Variants in CRTAM observed in about 807,000 individuals in gnomAD.
CRTAM encodes the protein cytotoxic and regulatory T cell molecule, also known as cytotoxic and regulatory T-cell molecule.
Under a neutral mutation model 50.0 loss-of-function variants are expected in CRTAM, and 44 were observed. The observed-to-expected ratio is 0.88, with a 90% CI of 0.69 to 1.13. The LOEUF is 1.13. CRTAM is among the 50% of genes most tolerant of loss of function. CRTAM has a pLI of 0.00. For synonymous variants in CRTAM, 159 were observed against 169.3 expected (o/e 0.94, Z 0.47); for missense variants, 448 against 457.5 (o/e 0.98, Z 0.19).
rs1353883097 is a variant in CRTAM at position 122,850,233 on chromosome 11, G to A, written c.193+19G>A. ...TATCCTGGTAAGTGAAAGAAAGAAA[G>A]AAAAAATGCCACCAGACCTTAACCT... On this transcript the variant is annotated intron_variant, in intron 2 of 9. Transcript: ENST00000227348. The A allele has an allele frequency of 3.2e-6, 5 of 1,575,246 alleles. No individual in the cohort carries two copies. The highest frequency in any genetic ancestry group is 1.8e-5 in the Admixed American group (1 of 55,640).
At chr11:122,846,738 A>C (rs894484434) in intron 1 of CRTAM, among the ~76,000 whole-genome samples, 5 of 152,202 alleles carry the variant, frequency 3.3e-5, no homozygotes, top group African/African-American at 1.2e-4. Context: ...CAAAATGAAA[A>C]GAACTCATTA....
intron 2 of CRTAM, 31 bp downstream of exon 2, chr11:122,850,245 C>T (rs761587155): frequency 5.1e-6 from 8 of 1,571,416 alleles, no homozygotes; most frequent in Non-Finnish European, 3.5e-6. Flanking sequence ...AAAAATGCCA[C>T]CAGACCTTAA....
chr11:122,865,637 C>A (rs1208223693), intron 7 of CRTAM, among the ~76,000 whole-genome samples: 1 of 152,060 alleles, frequency 6.6e-6, no homozygotes, highest in Non-Finnish European at 1.5e-5. Context: ...CAGCATTGCT[C>A]CCAATTTCTT....
At chr11:122,869,836 T>C (rs913250726) in intron 9 of CRTAM, among the ~76,000 whole-genome samples, 1 of 152,074 alleles carries the variant, frequency 6.6e-6, no homozygotes, top group Non-Finnish European at 1.5e-5. Flanking sequence ...GTGTGAAAAC[T>C]GGGGGTGGGA....
intron 1 of CRTAM, among the ~76,000 whole-genome samples, chr11:122,843,844 A>G (rs1045234425): frequency 6.6e-6 from 1 of 152,234 alleles, no homozygotes; most frequent in African/African-American, 2.4e-5. Flanking sequence ...ACAAAACTAC[A>G]GACATTGAAA....
Position 122,846,897 on chromosome 11 carries a change from A to C in CRTAM, c.47-3171A>C, listed in dbSNP as rs151301031. On this transcript the variant is annotated intron_variant, in intron 1 of 9. Transcript: ENST00000227348. ...AGGACCTTAGAATGTTTAATAATAA[A>C]TAGTCCTGTAACACTGGGGAAGGAG... Among the ~76,000 whole-genome samples, 393 of 152,332 alleles carry C rather than the reference A, an allele frequency of 2.6e-3. 2 individuals are homozygous for C. Among genetic ancestry groups the C allele is most frequent in the African/African-American group, 8.8e-3 (364 of 41,586 alleles).
At chr11:122,869,729 T>A (rs1862230493) in intron 9 of CRTAM, among the ~76,000 whole-genome samples, 1 of 152,232 alleles carries the variant, frequency 6.6e-6, no homozygotes, top group Non-Finnish European at 1.5e-5. Flanking sequence ...TTGTCTTTTA[T>A]AACACCTCTG....
At chr11:122,870,703 ACAGATTATTT>A (rs745838033) in intron 9 of CRTAM, among the ~76,000 whole-genome samples, 23 of 152,224 alleles carry the variant, frequency 1.5e-4, no homozygotes, top group Non-Finnish European at 2.9e-4. Context: ...ATGGTCAGCA[ACAGATTATTT>A]TACAGCAGAA....
chr11:122,866,358 T>A (rs917939032), intron 7 of CRTAM, among the ~76,000 whole-genome samples: 2 of 152,158 alleles, frequency 1.3e-5, no homozygotes, highest in Non-Finnish European at 2.9e-5. Flanking sequence ...TCTGAACCCC[T>A]GAACACACTA....
chr11:122,858,096 G>A (rs1591353623), intron 5 of CRTAM, among the ~76,000 whole-genome samples: 3 of 152,090 alleles, frequency 2.0e-5, no homozygotes, highest in Admixed American at 2.0e-4. Context: ...AATTTTTGCT[G>A]AGACGGGGTC....
At chr11:122,863,367 G>A (rs866853680) in intron 6 of CRTAM, among the ~76,000 whole-genome samples, 2 of 146,320 alleles carry the variant, frequency 1.4e-5, no homozygotes, top group Non-Finnish European at 3.0e-5. Flanking sequence ...AAGAAAGAAA[G>A]AAAAAGAAAG....
At chr11:122,854,658 T>C (rs1861981309) in intron 4 of CRTAM, among the ~76,000 whole-genome samples, 2 of 120,218 alleles carry the variant, frequency 1.7e-5, no homozygotes, top group Admixed American at 9.3e-5. Flanking sequence ...AGCAAAATTC[T>C]ATCAAAAAAA....
chr11:122,841,658 C>G (rs1172147061), intron 1 of CRTAM, among the ~76,000 whole-genome samples: 1 of 152,090 alleles, frequency 6.6e-6, no homozygotes, highest in African/African-American at 2.4e-5. Context: ...CCTCAGCCTT[C>G]CAAAGTGCTG....
chr11:122,859,313 G>T (rs1258594190), intron 5 of CRTAM, among the ~76,000 whole-genome samples: 1 of 152,020 alleles, frequency 6.6e-6, no homozygotes, highest in Non-Finnish European at 1.5e-5. Flanking sequence ...GTTTCGCCAT[G>T]TTGGGCAGGC....
At chr11:122,841,175 G>A (rs1861792639) in intron 1 of CRTAM, among the ~76,000 whole-genome samples, 1 of 151,936 alleles carries the variant, frequency 6.6e-6, no homozygotes, top group Admixed American at 6.6e-5. Context: ...TTTCTCTATT[G>A]ATTCAATCTA....
At chr11:122,841,697 G>A (rs919037661) in intron 1 of CRTAM, among the ~76,000 whole-genome samples, 1 of 151,990 alleles carries the variant, frequency 6.6e-6, no homozygotes, top group African/African-American at 2.4e-5. Flanking sequence ...ACCGAGCCCG[G>A]CCTATTTACT....
chr11:122,852,737 C>T (rs1241037209), intron 3 of CRTAM, among the ~76,000 whole-genome samples: 1 of 152,086 alleles, frequency 6.6e-6, no homozygotes, highest in Non-Finnish European at 1.5e-5. Context: ...CTCATAACAC[C>T]CCATGTATAC....
chr11:122,855,677 CT>C lies in CRTAM; in HGVS notation c.491-16del. 6.2e-7 allele frequency: 1 copy of C among 1,612,964 alleles called. No homozygotes were observed. The highest frequency in any genetic ancestry group is 8.5e-7 in the Non-Finnish European group (1 of 1,179,142). On this transcript the variant is annotated splice_polypyrimidine_tract_variant and intron_variant, in intron 4 of 9. Coordinates refer to ENST00000227348, the MANE Select transcript of CRTAM (RefSeq NM_019604.4). Reference sequence around the variant, plus strand: ...CAGTAGCATTAAATAGCCATAACCTCTTCAAATTGCTACATAGGTGGAACGC... The same window carrying C: ...CAGTAGCATTAAATAGCCATAACCTCTCAAATTGCTACATAGGTGGAACGC...
intron 1 of CRTAM, among the ~76,000 whole-genome samples, chr11:122,840,204 G>A (rs1203690862): frequency 6.6e-6 from 1 of 152,078 alleles, no homozygotes; most frequent in Non-Finnish European, 1.5e-5. Context: ...TTTATATAGA[G>A]AGGAAAAATA....
Sources: allele counts gnomAD v4.1 joint callset (sites outside exome capture counted in the v4.1 genomes callset), GRCh38; gene constraint gnomAD v4.1.1; transcripts MANE v1.5; gene names NCBI Gene and HGNC (gene_info 2026-07-23, HGNC 2026-07-21).